RBPMS: variants seen among roughly 807,000 people sequenced by gnomAD.
RBPMS encodes RNA binding protein, mRNA processing factor.
In RBPMS, 7 loss-of-function variants were observed where a neutral mutation model predicts 26.8. The ratio of observed to expected loss-of-function variants is 0.26; its 90% CI spans 0.15 to 0.49. The LOEUF (loss-of-function observed/expected upper bound fraction) is 0.49. Ranked by LOEUF, RBPMS falls within the 20% of genes least tolerant of loss-of-function variation. RBPMS has a pLI of 0.98. For synonymous variants in RBPMS, 96 were observed against 93.3 expected, an observed-to-expected ratio of 1.03 and a Z score of -0.17; for missense variants, 186 against 250.0, an observed-to-expected ratio of 0.74 and a Z score of 1.73.
At chr8:30,563,272 G>A (rs1827642229) in intron 7 of RBPMS, among the ~76,000 whole-genome samples, 1 of 152,252 alleles carries the variant, frequency 6.6e-6, no homozygotes, top group African/African-American at 2.4e-5. Flanking sequence ...TGCAGACACA[G>A]CCTGTGGCCA....
intron 6 of RBPMS, chr8:30,547,379 A>T (rs746395994): frequency 1.2e-6 from 2 of 1,613,454 alleles, no homozygotes; most frequent in African/African-American, 2.7e-5. Context: ...TGTGTTTGTA[A>T]CATACCAACC....
At chr8:30,474,409 A>G (rs1817467611) in intron 1 of RBPMS, among the ~76,000 whole-genome samples, 1 of 152,176 alleles carries the variant, frequency 6.6e-6, no homozygotes, top group Non-Finnish European at 1.5e-5. Context: ...TTTAAATTAT[A>G]TGGAACCTCC....
At chr8:30,552,015 G>A (rs1826425242) in intron 6 of RBPMS, among the ~76,000 whole-genome samples, 1 of 152,174 alleles carries the variant, frequency 6.6e-6, no homozygotes, top group Non-Finnish European at 1.5e-5. Flanking sequence ...AGAGGCTCCT[G>A]AGCCCTCCCT....
At chr8:30,503,576 A>T (rs2150931584) in intron 4 of RBPMS, among the ~76,000 whole-genome samples, 1 of 151,858 alleles carries the variant, frequency 6.6e-6, no homozygotes, top group Admixed American at 6.6e-5. Context: ...ATTTTTTTTC[A>T]AGCTCATTAG....
chr8:30,430,701 A>G (rs1452607823), intron 1 of RBPMS, among the ~76,000 whole-genome samples: 1 of 152,242 alleles, frequency 6.6e-6, no homozygotes, highest in Non-Finnish European at 1.5e-5. Flanking sequence ...TGAGTTACAC[A>G]TATAGCTTTG....
intron 1 of RBPMS, among the ~76,000 whole-genome samples, chr8:30,391,553 G>A (rs1195523762): frequency 6.6e-6 from 1 of 152,196 alleles, no homozygotes; most frequent in Non-Finnish European, 1.5e-5. Context: ...GAGGCCATCT[G>A]GGACCAGGTA....
chr8:30,561,295 A>G (rs1045846924), intron 7 of RBPMS, among the ~76,000 whole-genome samples: 1 of 152,170 alleles, frequency 6.6e-6, no homozygotes, highest in Non-Finnish European at 1.5e-5. Flanking sequence ...TGACTTTTAA[A>G]TACAGATCCC....
At chr8:30,408,434 C>T (rs1375057229) in intron 1 of RBPMS, among the ~76,000 whole-genome samples, 1 of 152,308 alleles carries the variant, frequency 6.6e-6, no homozygotes, top group South Asian at 2.1e-4. Flanking sequence ...AAGGCTGAGG[C>T]AGGAGAATCG....
At chr8:30,519,752 C>G (rs1422707180) in intron 5 of RBPMS, among the ~76,000 whole-genome samples, 1 of 152,074 alleles carries the variant, frequency 6.6e-6, no homozygotes, top group Non-Finnish European at 1.5e-5. Context: ...CTCGGCCTCC[C>G]AAAGTGCTGG....
intron 1 of RBPMS, among the ~76,000 whole-genome samples, chr8:30,437,754 G>A (rs974325936): frequency 4.1e-5 from 6 of 147,228 alleles, no homozygotes; most frequent in Non-Finnish European, 8.9e-5. Context: ...TCACGCCACT[G>A]CACTCCAGCC....
At chr8:30,538,740 A>G (rs1825074886) in intron 5 of RBPMS, among the ~76,000 whole-genome samples, 1 of 152,056 alleles carries the variant, frequency 6.6e-6, no homozygotes, top group South Asian at 2.1e-4. Context: ...GCAGTGTTGG[A>G]TCCTCTGGAG....
intron 1 of RBPMS, among the ~76,000 whole-genome samples, chr8:30,466,358 G>A (rs1816490567): frequency 6.6e-6 from 1 of 151,994 alleles, no homozygotes; most frequent in Non-Finnish European, 1.5e-5. Context: ...GACTAACTTG[G>A]GCAAGACCTC....
intron 1 of RBPMS, among the ~76,000 whole-genome samples, chr8:30,428,109 C>T (rs117478509): frequency 0.013 from 1,979 of 150,414 alleles, 67 homozygotes; most frequent in South Asian, 0.092. Flanking sequence ...CTGCAACCTC[C>T]GCTTCCTGGT....
At chr8:30,549,430 C>A in intron 6 of RBPMS, 1 of 1,362,926 alleles carries the variant, frequency 7.3e-7, no homozygotes, top group Non-Finnish European at 1.1e-6. Context: ...TGCCCAAGGC[C>A]TTCCATTGTT....
At chr8:30,389,359 C>T (rs1807504282) in intron 1 of RBPMS, among the ~76,000 whole-genome samples, 1 of 152,168 alleles carries the variant, frequency 6.6e-6, no homozygotes, top group Non-Finnish European at 1.5e-5. Context: ...CATTAGTTTT[C>T]AGATGGGTAG....
At chr8:30,533,929 C>T (rs1389595330) in intron 5 of RBPMS, among the ~76,000 whole-genome samples, 2 of 151,920 alleles carry the variant, frequency 1.3e-5, no homozygotes, top group Non-Finnish European at 2.9e-5. Flanking sequence ...GTCAGGAGTT[C>T]GAGACCAGCC....
intron 6 of RBPMS, 134 bp from the exon 7 acceptor site, chr8:30,558,753 A>C (rs928070593): frequency 2.6e-6 from 2 of 755,064 alleles, no homozygotes; most frequent in Non-Finnish European, 4.7e-6. Flanking sequence ...CCCTTGGGGA[A>C]GAGGCCCTCA....
intron 4 of RBPMS, among the ~76,000 whole-genome samples, chr8:30,502,022 A>C (rs1489476083): frequency 6.6e-6 from 1 of 151,982 alleles, no homozygotes; most frequent in African/African-American, 2.4e-5. Flanking sequence ...GCTGCGCAGG[A>C]TATTGATTAC....
chr8:30,446,847 G>GCA (rs1813892315), intron 1 of RBPMS: 7 of 76,308 alleles, frequency 9.2e-5, no homozygotes, highest in African/African-American at 1.8e-4. Flanking sequence ...GTGTGTGCGC[G>GCA]CGCGCGCGCG....
Sources: allele counts gnomAD v4.1 joint callset (sites outside exome capture counted in the v4.1 genomes callset), GRCh38; gene constraint gnomAD v4.1.1; transcripts MANE v1.5; gene names NCBI Gene and HGNC (gene_info 2026-07-23, HGNC 2026-07-21).